The following ASTN1 variants were observed in gnomAD, a reference collection of about 807,000 sequenced individuals.
The protein encoded by ASTN1 is astrotactin 1, also known as astrotactin-1.
ASTN1 carries 41 observed loss-of-function variants against 140.7 expected under a neutral mutation model. That is an observed-to-expected ratio of 0.29 (90% CI 0.23 to 0.38). ASTN1 has a LOEUF of 0.38. Among genes scored for constraint, ASTN1 ranks in the 10% least tolerant of loss-of-function variants. The pLI, the probability that ASTN1 is intolerant of heterozygous loss-of-function variation, is 1.00. For missense variants in ASTN1, 1,479 were observed against 1,678.8 expected, an observed-to-expected ratio of 0.88 and a Z score of 2.08; for synonymous variants, 640 against 652.2, an observed-to-expected ratio of 0.98 and a Z score of 0.29.
At chr1:177,137,916 G>A (rs533731626) in intron 1 of ASTN1, among the ~76,000 whole-genome samples, 16 of 152,198 alleles carry the variant, frequency 1.1e-4, no homozygotes, top group Non-Finnish European at 2.1e-4. Flanking sequence ...AATAGAAAAT[G>A]ATGAGAATAG....
intron 1 of ASTN1, among the ~76,000 whole-genome samples, chr1:177,067,844 G>A (rs1281421088): frequency 6.6e-6 from 1 of 152,112 alleles, no homozygotes; most frequent in Non-Finnish European, 1.5e-5. Context: ...ATGCAGAGAG[G>A]AGGAACAAAG....
intron 21 of ASTN1, among the ~76,000 whole-genome samples, chr1:176,876,160 A>G (rs1226319141): frequency 1.3e-5 from 2 of 152,240 alleles, no homozygotes; most frequent in Non-Finnish European, 2.9e-5. Context: ...TTAATTCAAA[A>G]TAATCTTTCA....
chr1:177,088,245 G>T (rs1679572950), intron 1 of ASTN1, among the ~76,000 whole-genome samples: 1 of 152,172 alleles, frequency 6.6e-6, no homozygotes, highest in Non-Finnish European at 1.5e-5. Context: ...TACACGTGGG[G>T]ATGCTTGCGT....
At chr1:176,995,979 A>T (rs1190017383) in intron 8 of ASTN1, among the ~76,000 whole-genome samples, 1 of 152,174 alleles carries the variant, frequency 6.6e-6, no homozygotes, top group African/African-American at 2.4e-5. Context: ...TCTGGATTCA[A>T]TGCTGTCCCC....
chr1:176,988,853 ATAATTTAATGT>A (rs1674029567), intron 8 of ASTN1, among the ~76,000 whole-genome samples: 1 of 152,242 alleles, frequency 6.6e-6, no homozygotes, highest in Admixed American at 6.5e-5. Flanking sequence ...TAGCCTAGAT[ATAATTTAATGT>A]TTCTACATAT....
chr1:177,048,978 C>T (rs1396669220), intron 2 of ASTN1, among the ~76,000 whole-genome samples: 2 of 152,216 alleles, frequency 1.3e-5, no homozygotes. Context: ...GAACTTCTTC[C>T]TTTCAACTCA....
At position 176,863,492 on chromosome 1, in the gene ASTN1, C is replaced by A; in HGVS notation, c.*792G>T. The A allele has an allele frequency of 1.0e-6, 1 of 985,586 alleles. No individual in the cohort carries two copies. The highest frequency in any genetic ancestry group is 4.7e-5 in the South Asian group (1 of 21,284). The allele number at this position is 985,586 out of a possible 1,614,324, so 61.1% of individuals were successfully genotyped here. The stretch of plus-strand genomic sequence containing the variant: ...CTCCAAGTCTCCTCTTGAATGTGGA[C>A]TGCTAACTAGTCTCCCAGGTAGACT... On this transcript the variant is annotated 3_prime_UTR_variant, in exon 23 of 23. Coordinates refer to ENST00000361833, the MANE Select transcript of ASTN1 (RefSeq NM_004319.3).
chr1:176,970,223 AG>A (rs1673079931), intron 8 of ASTN1, among the ~76,000 whole-genome samples: 1 of 152,120 alleles, frequency 6.6e-6, no homozygotes, highest in South Asian at 2.1e-4. Flanking sequence ...GTTGGGCCAG[AG>A]GTTGGCTGTG....
intron 9 of ASTN1, among the ~76,000 whole-genome samples, chr1:176,961,212 G>A (rs1312098717): frequency 1.3e-5 from 2 of 152,186 alleles, no homozygotes; most frequent in African/African-American, 2.4e-5. Flanking sequence ...GGAAGCAAAG[G>A]TGAAGATTAT....
chr1:176,981,903 T>G (rs1317181473), intron 8 of ASTN1: 5 of 152,388 alleles, frequency 3.3e-5, no homozygotes, highest in Non-Finnish European at 7.3e-5. Flanking sequence ...AGTTTTGGAT[T>G]GTTATGCTGG....
intron 14 of ASTN1, among the ~76,000 whole-genome samples, chr1:176,939,074 T>C (rs765905115): frequency 1.3e-5 from 2 of 151,708 alleles, no homozygotes; most frequent in Non-Finnish European, 2.9e-5. Context: ...CTCACGCCAT[T>C]GCACTCCAGC....
intron 14 of ASTN1, among the ~76,000 whole-genome samples, chr1:176,936,943 T>C (rs1319483089): frequency 2.0e-5 from 3 of 152,164 alleles, no homozygotes. Context: ...CCTATCTACT[T>C]TACAGGCAGG....
chr1:176,872,325 G>A (rs1668383824), intron 21 of ASTN1, among the ~76,000 whole-genome samples: 1 of 151,964 alleles, frequency 6.6e-6, no homozygotes, highest in Non-Finnish European at 1.5e-5. Context: ...CACTACGTTG[G>A]ACAAAAATCC....
intron 1 of ASTN1, among the ~76,000 whole-genome samples, chr1:177,118,967 G>A (rs577593667): frequency 4.9e-4 from 75 of 152,182 alleles, no homozygotes; most frequent in South Asian, 1.2e-3. Flanking sequence ...TGTTATTGCC[G>A]CAGGAATTCC....
At position 177,121,780 on chromosome 1, in the gene ASTN1, C is replaced by T. The variant is rs72720726; in HGVS notation, c.283+42614G>A. ...CACCTATGGAGTATATTCCCCAGGTCCCTGCCAAGAGTCTAGGTTTTGTGA... is the reference window on the plus strand; with the variant it reads ...CACCTATGGAGTATATTCCCCAGGTTCCTGCCAAGAGTCTAGGTTTTGTGA... On this transcript the variant is annotated intron_variant, in intron 1 of 22. Coordinates refer to ENST00000361833, the MANE Select transcript of ASTN1 (RefSeq NM_004319.3). Among the ~76,000 whole-genome samples, 408 of 152,188 alleles carry T rather than the reference C, an allele frequency of 2.7e-3. 2 individuals are homozygous for T. Among genetic ancestry groups the T allele is most frequent in the Middle Eastern group, 6.8e-3 (2 of 294 alleles).
chr1:176,864,665 CA>C, intron 22 of ASTN1, 144 bp from the exon 23 acceptor site: 1 of 1,154,382 alleles, frequency 8.7e-7, no homozygotes, highest in Non-Finnish European at 1.2e-6. Context: ...GCACTTGGAA[CA>C]GTGAGTCCTC....
chr1:176,956,108 A>C (rs941753947), intron 11 of ASTN1, among the ~76,000 whole-genome samples: 1 of 152,170 alleles, frequency 6.6e-6, no homozygotes, highest in Admixed American at 6.5e-5. Flanking sequence ...ACTGTGGGAC[A>C]TCAACTTCCC....
chr1:176,949,977 C>A (rs1338688413), intron 11 of ASTN1, among the ~76,000 whole-genome samples: 1 of 152,182 alleles, frequency 6.6e-6, no homozygotes, highest in Admixed American at 6.5e-5. Context: ...ACAAGGGTAC[C>A]TACTATATGG....
At position 177,079,993 on chromosome 1, in the gene ASTN1, A is replaced by T. The variant is rs896711481; in HGVS notation, c.284-18728T>A. Among the ~76,000 whole-genome samples, 3 of 152,116 alleles carry T rather than the reference A, an allele frequency of 2.0e-5. No individual in the cohort carries two copies. In the East Asian group the frequency reaches 5.8e-4, roughly 29 times the overall value. The stretch of plus-strand genomic sequence containing the variant: ...CTCTGTCCAGTATATTTAATTTTAG[A>T]CTTTTTACATTTCTATATTATAAAG... On this transcript the variant is annotated intron_variant, in intron 1 of 22. Transcript: ENST00000361833.
Sources: allele counts gnomAD v4.1 joint callset (sites outside exome capture counted in the v4.1 genomes callset), GRCh38; gene constraint gnomAD v4.1.1; transcripts MANE v1.5; gene names NCBI Gene and HGNC (gene_info 2026-07-23, HGNC 2026-07-21).